TNFAIP8: variants seen among roughly 807,000 people sequenced by gnomAD.
TNFAIP8 encodes the protein TNF alpha induced protein 8, also known as tumor necrosis factor alpha-induced protein 8.
In TNFAIP8, 7 loss-of-function variants were observed where a neutral mutation model predicts 13.3. The ratio of observed to expected loss-of-function variants is 0.52; its 90% CI spans 0.30 to 0.99. TNFAIP8 has a LOEUF of 0.99. TNFAIP8 is among the 50% of genes least tolerant of loss of function. TNFAIP8 has a pLI of 0.07. For missense variants in TNFAIP8, 258 were observed against 236.9 expected (o/e 1.09, Z -0.58); for synonymous variants, 94 against 87.6 (o/e 1.07, Z -0.41).
intron 1 of TNFAIP8, among the ~76,000 whole-genome samples, chr5:119,272,953 C>T: frequency 6.6e-6 from 1 of 152,282 alleles, no homozygotes; most frequent in African/African-American, 2.4e-5. Flanking sequence ...AGACTCCAGG[C>T]TAACTCGTAA....
At chr5:119,325,411 C>T (rs1750192409) in intron 1 of TNFAIP8, among the ~76,000 whole-genome samples, 2 of 152,140 alleles carry the variant, frequency 1.3e-5, no homozygotes, top group Non-Finnish European at 2.9e-5. Context: ...TGCCTAACTC[C>T]CAGCTGCTCT....
upstream of TNFAIP8, chr5:119,355,662 G>A (rs1751366454): frequency 2.4e-6 from 1 of 419,634 alleles, no homozygotes; most frequent in Non-Finnish European, 4.2e-6. Context: ...AAACTACAGT[G>A]TGCTCTGAGA....
At chr5:119,292,780 G>C (rs1451325864) in intron 1 of TNFAIP8, among the ~76,000 whole-genome samples, 1 of 148,118 alleles carries the variant, frequency 6.8e-6, no homozygotes, top group Non-Finnish European at 1.5e-5. Flanking sequence ...ATTGTGCCAG[G>C]TAAGATAAAC....
intron 1 of TNFAIP8, among the ~76,000 whole-genome samples, chr5:119,372,608 A>G (rs116826783): frequency 0.021 from 3,149 of 152,340 alleles, 107 homozygotes; most frequent in African/African-American, 0.072. Flanking sequence ...AAAGTAGCCC[A>G]CATACCATAA....
intron 1 of TNFAIP8, among the ~76,000 whole-genome samples, chr5:119,326,178 C>T (rs1266073989): frequency 1.3e-5 from 2 of 152,054 alleles, no homozygotes; most frequent in Admixed American, 6.5e-5. Flanking sequence ...AAGAAATCAC[C>T]CTGTCGTTTA....
chr5:119,392,969 C>T lies in TNFAIP8; in HGVS notation c.185C>T (p.Thr62Ile), dbSNP rs1752955521. ...CTCTACAGAGTGACCAGGGAGTACACCCAAAACAAGAAGGAGGCAGAGAAG... is the reference window on the plus strand; with the variant it reads ...CTCTACAGAGTGACCAGGGAGTACATCCAAAACAAGAAGGAGGCAGAGAAG... ...DELYRVTREYTQNKKEAEKII... is the reference protein window; with the variant it reads ...DELYRVTREYIQNKKEAEKII... Residue 62 changes from threonine to isoleucine, a missense_variant, in exon 2 of 2, where the codon ACC becomes ATC. By Grantham distance (89) the Thr-to-Ile change is moderately conservative (BLOSUM62 -1). Transcript: ENST00000504771. 22 of 1,611,796 alleles carry T rather than the reference C, an allele frequency of 1.4e-5. No homozygotes were observed. The highest frequency in any genetic ancestry group is 1.9e-5 in the Non-Finnish European group (22 of 1,179,024).
intron 1 of TNFAIP8, among the ~76,000 whole-genome samples, chr5:119,391,190 A>G (rs557967306): frequency 2.0e-5 from 3 of 151,990 alleles, no homozygotes; most frequent in South Asian, 2.1e-4. Context: ...CACTCTTCCT[A>G]TATGTCTTCC....
chr5:119,296,063 C>T (rs1581580098), intron 1 of TNFAIP8, among the ~76,000 whole-genome samples: 1 of 149,698 alleles, frequency 6.7e-6, no homozygotes, highest in Middle Eastern at 3.5e-3. Context: ...ACAATCATGT[C>T]ATCTGCAAAC....
chr5:119,367,817 A>G (rs1751918070), intron 1 of TNFAIP8, among the ~76,000 whole-genome samples: 1 of 152,212 alleles, frequency 6.6e-6, no homozygotes, highest in Non-Finnish European at 1.5e-5. Context: ...TAAAGTTCAA[A>G]GCCTATCCCT....
chr5:119,359,921 C>T (rs1172603275), intron 1 of TNFAIP8, among the ~76,000 whole-genome samples: 2 of 152,188 alleles, frequency 1.3e-5, no homozygotes, highest in East Asian at 3.8e-4. Flanking sequence ...TTTATGTAGT[C>T]ATTAGGCTTG....
upstream of TNFAIP8, chr5:119,355,271 C>A (rs1228415321): frequency 2.9e-6 from 2 of 700,288 alleles, no homozygotes; most frequent in African/African-American, 1.7e-5. Flanking sequence ...GTGCTCTCCC[C>A]CTGAGGAAGG....
intron 1 of TNFAIP8, among the ~76,000 whole-genome samples, chr5:119,364,665 G>A (rs1023603370): frequency 1.3e-5 from 2 of 151,488 alleles, no homozygotes; most frequent in Non-Finnish European, 2.9e-5. Context: ...TTATCATTTA[G>A]GAAATTCCAA....
chr5:119,281,962 A>G (rs893563838), intron 1 of TNFAIP8, among the ~76,000 whole-genome samples: 3 of 152,362 alleles, frequency 2.0e-5, no homozygotes, highest in African/African-American at 7.2e-5. Context: ...AATCTTAAAT[A>G]TGTCACTCCA....
intron 1 of TNFAIP8, among the ~76,000 whole-genome samples, chr5:119,276,860 A>G (rs1455818520): frequency 6.6e-6 from 1 of 152,212 alleles, no homozygotes; most frequent in Non-Finnish European, 1.5e-5. Context: ...TTTATAAAGG[A>G]TATTAGTTGT....
chr5:119,374,143 G>C (rs1752191536), intron 1 of TNFAIP8, among the ~76,000 whole-genome samples: 1 of 151,912 alleles, frequency 6.6e-6, no homozygotes, highest in South Asian at 2.1e-4. Context: ...AATACAGGTA[G>C]CGTATCGCTT....
intron 1 of TNFAIP8, among the ~76,000 whole-genome samples, chr5:119,337,423 A>G (rs1287587585): frequency 1.3e-5 from 2 of 152,330 alleles, no homozygotes; most frequent in East Asian, 3.8e-4. Flanking sequence ...GCCTGTCACT[A>G]GAACCTGAGG....
intron 1 of TNFAIP8, among the ~76,000 whole-genome samples, chr5:119,384,502 ATAAG>A (rs755762606): frequency 1.7e-4 from 26 of 152,262 alleles, no homozygotes; most frequent in Admixed American, 1.3e-3. Flanking sequence ...TAAAAAATAA[ATAAG>A]TAAGATAACA....
chr5:119,313,773 C>G (rs1749802923), intron 1 of TNFAIP8, among the ~76,000 whole-genome samples: 1 of 152,152 alleles, frequency 6.6e-6, no homozygotes, highest in Admixed American at 6.5e-5. Flanking sequence ...GATCCTTGTG[C>G]TTAAGAAGTT....
At chr5:119,382,911 C>G (rs1203012954) in intron 1 of TNFAIP8, among the ~76,000 whole-genome samples, 1 of 152,224 alleles carries the variant, frequency 6.6e-6, no homozygotes, top group African/African-American at 2.4e-5. Context: ...ATTATTTTCA[C>G]TGACTTTATT....
Sources: gnomAD v4.1 joint callset for allele counts (sites outside exome capture counted in the v4.1 genomes callset) on GRCh38, gnomAD v4.1.1 for gene constraint, MANE v1.5 for transcripts, NCBI Gene and HGNC (gene_info 2026-07-23, HGNC 2026-07-21) for gene names.